PRUNE2: variants seen among roughly 807,000 people sequenced by gnomAD.
PRUNE2 encodes the protein prune homolog 2 with BCH domain, also known as protein prune homolog 2.
Under a neutral mutation model 252.0 loss-of-function variants are expected in PRUNE2, and 164 were observed. The observed-to-expected ratio is 0.65, with a 90% CI of 0.57 to 0.74. The LOEUF (loss-of-function observed/expected upper bound fraction) is 0.74, where lower values mean the gene tolerates loss of function less well. Among genes scored for constraint, PRUNE2 ranks in the 30% least tolerant of loss-of-function variants. PRUNE2 has a pLI of 0.00. For missense variants in PRUNE2, 3,495 were observed against 3,711.0 expected (o/e 0.94, Z 1.51); for synonymous variants, 1,292 against 1,350.2 (o/e 0.96, Z 0.94).
intron 1 of PRUNE2, among the ~76,000 whole-genome samples, chr9:76,875,318 T>C (rs1275777389): frequency 6.6e-6 from 1 of 152,216 alleles, no homozygotes; most frequent in East Asian, 1.9e-4. Flanking sequence ...TCATATCTAT[T>C]TGTCCCAAAC....
At chr9:76,770,102 T>G (rs1043640423) in intron 6 of PRUNE2, among the ~76,000 whole-genome samples, 1 of 152,170 alleles carries the variant, frequency 6.6e-6, no homozygotes, top group African/African-American at 2.4e-5. Flanking sequence ...GCACCAAAAA[T>G]GTATTCACCA....
chr9:76,806,530 C>T (rs1055620031), intron 6 of PRUNE2, among the ~76,000 whole-genome samples: 7 of 138,422 alleles, frequency 5.1e-5, no homozygotes, highest in Non-Finnish European at 3.0e-5. Context: ...TTTTTTGAGA[C>T]GGAGTTTCGC....
rs573639372 is a variant in PRUNE2, at chr9:76,828,985, C to T, written c.509-2253G>A. 1.8e-3 allele frequency among the ~76,000 whole-genome samples: 267 copies of T among 144,856 alleles called. 1 individual carries two copies. Among genetic ancestry groups the T allele is most frequent in the African/African-American group, 6.7e-3 (257 of 38,140 alleles). ...TGAGCTAAGATCACGCCACTTCACTCCAGCCTAGGAGACAGAGTCTCACTC... is the reference window on the plus strand; with the variant it reads ...TGAGCTAAGATCACGCCACTTCACTTCAGCCTAGGAGACAGAGTCTCACTC... On this transcript the variant is annotated intron_variant, in intron 4 of 18. Transcript: ENST00000376718.
intron 12 of PRUNE2, among the ~76,000 whole-genome samples, chr9:76,639,309 G>A (rs1374663860): frequency 1.3e-5 from 2 of 152,076 alleles, no homozygotes; most frequent in East Asian, 3.9e-4. Flanking sequence ...CGGACAGCAC[G>A]GTGAAACCTT....
At chr9:76,747,650 A>G (rs866555771) in intron 6 of PRUNE2, among the ~76,000 whole-genome samples, 2 of 152,114 alleles carry the variant, frequency 1.3e-5, no homozygotes, top group African/African-American at 4.8e-5. Flanking sequence ...TAGGGAAGAA[A>G]ATCAACTGGT....
intron 9 of PRUNE2, among the ~76,000 whole-genome samples, chr9:76,670,951 G>A (rs2041325028): frequency 6.6e-6 from 1 of 152,170 alleles, no homozygotes; most frequent in Non-Finnish European, 1.5e-5. Flanking sequence ...CAAAGATGGG[G>A]AAAAAACAGA....
rs377017118 is a variant in PRUNE2 at position 76,781,952 on chromosome 9, C to T, written c.756+41680G>A. 2.9e-4 allele frequency among the ~76,000 whole-genome samples: 44 copies of T among 152,194 alleles called. 1 individual carries two copies. In the South Asian group the frequency reaches 8.9e-3, roughly 31 times the overall value. ...AAGCCTGGCCGGGCGCGGTGGCTCA[C>T]GCCTGTAATCCCAGCACTTTGGGAG... On this transcript the variant is annotated intron_variant, in intron 6 of 18. Coordinates refer to ENST00000376718, the MANE Select transcript of PRUNE2 (RefSeq NM_015225.3).
At position 76,709,272 on chromosome 9, in the gene PRUNE2, C is replaced by T; in HGVS notation, c.3002G>A (p.Gly1001Asp). 6.2e-7 allele frequency: 1 copy of T among 1,613,706 alleles called. No individual in the cohort carries two copies. Among genetic ancestry groups the T allele is most frequent in the Non-Finnish European group, 8.5e-7 (1 of 1,179,814 alleles). Residue 1001 changes from glycine to aspartate, a missense_variant, in exon 8 of 19, where the codon GGT becomes GAT. Coordinates refer to ENST00000376718, the MANE Select transcript of PRUNE2 (RefSeq NM_015225.3). ...GTCAGTCTCCTCTGCCGTGGAGTTA[C>T]CATCTTTTGACTCAAAACCTTCCTC... ...AKEEGFESKD[G>D]NSTAEETDIP... is the part of the protein sequence containing the mutation.
At chr9:76,623,274 G>T (rs1379617250) in intron 17 of PRUNE2, among the ~76,000 whole-genome samples, 1 of 151,334 alleles carries the variant, frequency 6.6e-6, no homozygotes, top group East Asian at 1.9e-4. Context: ...TTGTAACTTG[G>T]AAACGAGAAA....
chr9:76,642,046 T>TA (rs1842868361), intron 12 of PRUNE2: 1 of 1,120,662 alleles, frequency 8.9e-7, no homozygotes, highest in Admixed American at 2.7e-5. Flanking sequence ...AACTCCTTGT[T>TA]AAAATTACTT....
At chr9:76,905,876 T>A in intron 1 of PRUNE2, 52 bp downstream of exon 1, 1 of 1,611,584 alleles carries the variant, frequency 6.2e-7, no homozygotes, top group Non-Finnish European at 8.5e-7. Flanking sequence ...TCTCCACCTT[T>A]CCATTAGCAT....
intron 6 of PRUNE2, among the ~76,000 whole-genome samples, chr9:76,717,386 C>T (rs970694642): frequency 4.6e-5 from 7 of 152,156 alleles, no homozygotes; most frequent in Admixed American, 6.5e-5. Context: ...TCATGTGCTG[C>T]GGTGGCTCTT....
At chr9:76,847,240 C>T (rs932224031) in intron 3 of PRUNE2, among the ~76,000 whole-genome samples, 5 of 151,458 alleles carry the variant, frequency 3.3e-5, no homozygotes, top group Admixed American at 2.0e-4. Flanking sequence ...GCAGGAGAAT[C>T]ACTTGAACCA....
intron 1 of PRUNE2, among the ~76,000 whole-genome samples, chr9:76,874,779 T>C (rs908007575): frequency 6.6e-6 from 1 of 152,106 alleles, no homozygotes; most frequent in African/African-American, 2.4e-5. Flanking sequence ...GGAAGAAATT[T>C]CTTAAAAGGG....
chr9:76,820,533 C>T (rs1393759673), intron 6 of PRUNE2, among the ~76,000 whole-genome samples: 1 of 152,050 alleles, frequency 6.6e-6, no homozygotes, highest in Non-Finnish European at 1.5e-5. Context: ...GGTCATCAGC[C>T]GTATAAAGGC....
chr9:76,773,304 A>G (rs2053316478), intron 6 of PRUNE2, among the ~76,000 whole-genome samples: 1 of 152,172 alleles, frequency 6.6e-6, no homozygotes, highest in Admixed American at 6.5e-5. Context: ...AATTTCTGTA[A>G]ACCCTGGGAG....
chr9:76,797,455 T>C (rs1202146744), intron 6 of PRUNE2, among the ~76,000 whole-genome samples: 1 of 152,168 alleles, frequency 6.6e-6, no homozygotes, highest in Non-Finnish European at 1.5e-5. Context: ...AATATAATTA[T>C]ATGCTTATTT....
intron 6 of PRUNE2, among the ~76,000 whole-genome samples, chr9:76,725,600 A>G (rs1419211753): frequency 6.6e-6 from 1 of 152,182 alleles, no homozygotes; most frequent in African/African-American, 2.4e-5. Flanking sequence ...CACACCTTTC[A>G]CCACCCATCT....
At chr9:76,901,728 C>T (rs1383938762) in intron 1 of PRUNE2, among the ~76,000 whole-genome samples, 1 of 152,208 alleles carries the variant, frequency 6.6e-6, no homozygotes, top group Non-Finnish European at 1.5e-5. Flanking sequence ...TATGAGCTGA[C>T]ATTCAAGTCA....
Sources: gnomAD v4.1 joint callset for allele counts (sites outside exome capture counted in the v4.1 genomes callset) on GRCh38, gnomAD v4.1.1 for gene constraint, MANE v1.5 for transcripts, NCBI Gene and HGNC (gene_info 2026-07-23, HGNC 2026-07-21) for gene names.